RAPGEF1: variants seen among roughly 807,000 people sequenced by gnomAD.
The protein encoded by RAPGEF1 is Rap guanine nucleotide exchange factor 1, also known as CRK SH3-binding GNRP.
A neutral mutation model predicts 143.3 loss-of-function variants in RAPGEF1; 33 were observed. That is an observed-to-expected ratio of 0.23 (90% CI 0.17 to 0.31). The LOEUF is 0.31. Among genes scored for constraint, RAPGEF1 ranks in the 10% least tolerant of loss-of-function variants. The probability of loss-of-function intolerance (pLI) is 1.00; values close to 1 mark genes in which losing one functional copy is unlikely to be tolerated. For missense variants in RAPGEF1, 1,199 were observed against 1,645.4 expected, an observed-to-expected ratio of 0.73 and a Z score of 4.69; for synonymous variants, 629 against 676.5, an observed-to-expected ratio of 0.93 and a Z score of 1.09.
intron 1 of RAPGEF1, among the ~76,000 whole-genome samples, chr9:131,729,409 G>A (rs1165256416): frequency 6.6e-6 from 1 of 152,220 alleles, no homozygotes; most frequent in Non-Finnish European, 1.5e-5. Flanking sequence ...TGTGCCATCT[G>A]TGAAAGGTTT....
At position 131,628,590 on chromosome 9, in the gene RAPGEF1, C is replaced by G. The variant is rs527872016; in HGVS notation, c.976G>C (p.Ala326Pro). Reference sequence around the variant, plus strand: ...ACAGGCAAACTGGAGCCACTGGTGGCTCGGCTCATGGGGGCCACCACAGCC... The same window carrying G: ...ACAGGCAAACTGGAGCCACTGGTGGGTCGGCTCATGGGGGCCACCACAGCC... ...RVAVVAPMSR[A>P]TSGSSLPVGI... Residue 326 changes from alanine (A) to proline (P), a missense_variant, in exon 8 of 27, where the codon GCC becomes CCC. By Grantham distance (27) the Ala-to-Pro change is conservative. Coordinates refer to ENST00000683357, the MANE Select transcript of RAPGEF1 (RefSeq NM_001377935.1). This position sits in a 1 kb window ranked among gnomAD's most constrained non-coding sequence, Gnocchi z 5.7. 16 of 1,613,142 alleles carry G rather than the reference C, an allele frequency of 9.9e-6. No homozygotes were observed. In the African/African-American group the frequency reaches 2.0e-4, roughly 20 times the overall value.
chr9:131,730,282 T>C (rs1836959297), intron 1 of RAPGEF1, among the ~76,000 whole-genome samples: 1 of 151,738 alleles, frequency 6.6e-6, no homozygotes, highest in African/African-American at 2.4e-5. Flanking sequence ...TCAAAAGCTA[T>C]TTTGATGATT....
rs559508150 is a variant in RAPGEF1, at chr9:131,626,097, G to T, written c.1527C>A (p.Asp509Glu). 6.2e-7 allele frequency: 1 copy of T among 1,613,948 alleles called. No individual in the cohort carries two copies. The highest frequency in any genetic ancestry group is 1.1e-5 in the South Asian group (1 of 91,074). Residue 509 changes from aspartate (D) to glutamate (E), a missense_variant, in exon 10 of 27, where the codon GAC (aspartate) becomes GAA (glutamate). By Grantham distance (45) the Asp-to-Glu change is conservative. Transcript: ENST00000683357. The stretch of plus-strand genomic sequence containing the variant: ...ATGGGATCGGGGCTGTGCTCTGCAG[G>T]TCCTCCCCAGAGATGTTGTCATACT... ...PSQYDNISGE[D>E]LQSTAPIPSV...
chr9:131,628,174 C>A lies in RAPGEF1; in HGVS notation c.1018-78G>T, dbSNP rs1963820705. 3 of 1,314,524 alleles carry A rather than the reference C, an allele frequency of 2.3e-6. No individual in the cohort carries two copies. Among genetic ancestry groups the A allele is most frequent in the Non-Finnish European group, 3.0e-6 (3 of 985,848 alleles). 81.4% of individuals were successfully genotyped at this position (1,314,524 alleles called of 1,614,324 possible). On this transcript the variant is annotated intron_variant, in intron 8 of 26. Coordinates refer to ENST00000683357, the MANE Select transcript of RAPGEF1 (RefSeq NM_001377935.1). The surrounding 1 kb of genome is among the most constrained non-coding windows in gnomAD (Gnocchi z 5.7). Reference sequence around the variant, plus strand: ...CAGACCAGGGGTGAGGCAACCGGTGCATTTACTTAGAGAAGGAAATACTGC... The same window carrying A: ...CAGACCAGGGGTGAGGCAACCGGTGAATTTACTTAGAGAAGGAAATACTGC...
At chr9:131,633,061 C>A (rs543032946) in intron 5 of RAPGEF1, among the ~76,000 whole-genome samples, 3 of 152,208 alleles carry the variant, frequency 2.0e-5, no homozygotes, top group African/African-American at 7.2e-5. Flanking sequence ...ACAGTTGTTA[C>A]CCCATTCAGA....
chr9:131,614,560 A>C (rs1355011619), intron 12 of RAPGEF1, among the ~76,000 whole-genome samples: 2 of 152,202 alleles, frequency 1.3e-5, no homozygotes, highest in African/African-American at 4.8e-5. Context: ...TGAGTGAGTG[A>C]GAGGCAGATG....
intron 1 of RAPGEF1, among the ~76,000 whole-genome samples, chr9:131,716,257 T>G (rs1952422): frequency 0.62 from 94,143 of 152,080 alleles, 30,213 homozygotes; most frequent in African/African-American, 0.79. Flanking sequence ...CCCCCAATGA[T>G]ACAGTTTCTG....
chr9:131,705,492 A>G (rs1198179569), intron 1 of RAPGEF1, among the ~76,000 whole-genome samples: 2 of 152,138 alleles, frequency 1.3e-5, no homozygotes, highest in African/African-American at 4.8e-5. Flanking sequence ...AAGGTCAAAG[A>G]GCAGGCTGGG....
chr9:131,584,488 G>C lies in RAPGEF1; in HGVS notation c.3312+30C>G, dbSNP rs550683037. On this transcript the variant is annotated intron_variant, in intron 23 of 26. Coordinates refer to ENST00000683357, the MANE Select transcript of RAPGEF1 (RefSeq NM_001377935.1). The surrounding 1 kb of genome is among the most constrained non-coding windows in gnomAD (Gnocchi z 6.8). ...GCTCCCAGAGCAGGGACTGATGATGGGGGCCTGGGAAGGACTTGGCCACCA... is the reference window on the plus strand; with the variant it reads ...GCTCCCAGAGCAGGGACTGATGATGCGGGCCTGGGAAGGACTTGGCCACCA... 3 of 1,613,570 alleles carry C rather than the reference G, an allele frequency of 1.9e-6. No homozygotes were observed. In the South Asian group the frequency reaches 3.3e-5, roughly 18 times the overall value.
chr9:131,587,704 AGCAACAGG>A (rs1953404351), intron 22 of RAPGEF1, 24 bp downstream of exon 22: 1 of 1,598,090 alleles, frequency 6.3e-7, no homozygotes, highest in Non-Finnish European at 8.6e-7. Flanking sequence ...CACCATCCAG[AGCAACAGG>A]GCTTGGCGCT....
At position 131,621,602 on chromosome 9, in the gene RAPGEF1, G is replaced by C. The variant is rs911340631; in HGVS notation, c.1905+194C>G. ...CCCCAGGGTGGGGAGGTGGTGGAGT[G>C]GGCGCTGGGCTGCTGGTGAGCATCT... On this transcript the variant is annotated intron_variant, in intron 11 of 26. Coordinates refer to ENST00000683357, the MANE Select transcript of RAPGEF1 (RefSeq NM_001377935.1). This position sits in a 1 kb window ranked among gnomAD's most constrained non-coding sequence, Gnocchi z 4.5. Among the ~76,000 whole-genome samples the C allele has an allele frequency of 6.6e-6, 1 of 152,180 alleles. No homozygotes were observed. Among genetic ancestry groups the C allele is most frequent in the African/African-American group, 2.4e-5 (1 of 41,436 alleles).
chr9:131,686,205 A>G (rs1833338033), intron 1 of RAPGEF1, among the ~76,000 whole-genome samples: 1 of 152,234 alleles, frequency 6.6e-6, no homozygotes, highest in Non-Finnish European at 1.5e-5. Flanking sequence ...GCAAATATTC[A>G]ACTCTGCCAC....
intron 1 of RAPGEF1, among the ~76,000 whole-genome samples, chr9:131,700,293 C>T (rs770731927): frequency 1.4e-4 from 21 of 152,278 alleles, no homozygotes; most frequent in Middle Eastern, 6.8e-3. Context: ...TTCCGGAGCG[C>T]GCCTGCCCAG....
rs548055697 is a variant in RAPGEF1 at position 131,581,763 on chromosome 9, G to A, written c.3512+842C>T. 1.4e-4 allele frequency among the ~76,000 whole-genome samples: 22 copies of A among 152,310 alleles called. 1 individual carries two copies. In the East Asian group the frequency reaches 4.2e-3, roughly 29 times the overall value. On this transcript the variant is annotated intron_variant, in intron 25 of 26. Coordinates refer to ENST00000683357, the MANE Select transcript of RAPGEF1 (RefSeq NM_001377935.1). ...CTTAATAGGTGCTTCTGACTGCAGA[G>A]GACTTAAGGCCAGATGAGAAAGACA...
In RAPGEF1 at chr9:131,621,896, A is replaced by T. The variant is rs1257125956; in HGVS notation, c.1805T>A (p.Leu602His). Residue 602 changes from leucine to histidine, a missense_variant, in exon 11 of 27, where the codon CTC (leucine) becomes CAC (histidine). Around this residue, in one of 6 missense-constraint regions of RAPGEF1, gnomAD observed 293 missense variants for 356.2 expected, o/e 0.82. Transcript: ENST00000683357. This position sits in a 1 kb window ranked among gnomAD's most constrained non-coding sequence, Gnocchi z 4.5. ...NEHIYQQKNK[L>H]LMEVYGFSDS... The stretch of plus-strand genomic sequence containing the variant: ...GCTGAAGCCGTATACCTCCATGAGG[A>T]GCTTGTTCTTCTGCTGGTAGATGTG... 1.2e-6 allele frequency: 2 copies of T among 1,613,648 alleles called. No individual in the cohort carries two copies. Among genetic ancestry groups the T allele is most frequent in the Non-Finnish European group, 1.7e-6 (2 of 1,179,770 alleles).
At position 131,697,177 on chromosome 9, in the gene RAPGEF1, TTC is replaced by T. The variant is rs926376659; in HGVS notation, c.61+42591_61+42592del. On this transcript the variant is annotated intron_variant, in intron 1 of 26. Transcript: ENST00000683357. ...ACAGCAGCCCTCTGCTGGCCCAGGC[TTC>T]TCCTCCATCCCTTCTCGCTCCCTCC... Among the ~76,000 whole-genome samples the T allele has an allele frequency of 1.3e-3, 187 of 142,208 alleles. 1 individual carries two copies. Among genetic ancestry groups the T allele is most frequent in the African/African-American group, 3.5e-3 (125 of 36,222 alleles). 93.3% of individuals were successfully genotyped at this position (142,208 alleles called of 152,430 possible).
intron 10 of RAPGEF1, among the ~76,000 whole-genome samples, chr9:131,624,551 C>T (rs1363746930): frequency 6.6e-6 from 1 of 152,224 alleles, no homozygotes; most frequent in African/African-American, 2.4e-5. Flanking sequence ...GGCTCTCTGG[C>T]ATCTGCTGCA....
At chr9:131,709,239 CA>C (rs567517901) in intron 1 of RAPGEF1, among the ~76,000 whole-genome samples, 51 of 152,214 alleles carry the variant, frequency 3.4e-4, no homozygotes, top group African/African-American at 1.2e-3. Context: ...CCTAGCAACT[CA>C]GGAGGCTGAG....
chr9:131,619,244 G>A lies in RAPGEF1; in HGVS notation c.1906-38C>T, dbSNP rs192509899. Reference sequence around the variant, plus strand: ...GGGGAGGAGAGAGAAGGCAGGGAAGGAGGGAGAGAAGCAGAGAACAGTCAG... The same window carrying A: ...GGGGAGGAGAGAGAAGGCAGGGAAGAAGGGAGAGAAGCAGAGAACAGTCAG... On this transcript the variant is annotated intron_variant, in intron 11 of 26. Transcript: ENST00000683357. The A allele has an allele frequency of 1.2e-4, 159 of 1,294,310 alleles. No homozygotes were observed. In the African/African-American group the frequency reaches 2.1e-3, roughly 17 times the overall value. 80.2% of individuals were successfully genotyped at this position (1,294,310 alleles called of 1,614,324 possible).
Sources: gnomAD v4.1 joint callset for allele counts (sites outside exome capture counted in the v4.1 genomes callset) on GRCh38, gnomAD v4.1.1 for gene constraint, gnomAD v4.1.1 regional missense constraint, Gnocchi (gnomAD v3.1) non-coding constraint, MANE v1.5 for transcripts, NCBI Gene and HGNC (gene_info 2026-07-23, HGNC 2026-07-21) for gene names.